ADAMTSL3: variants seen among roughly 807,000 people sequenced by gnomAD.
ADAMTSL3 encodes ADAMTS-like protein 3.
In ADAMTSL3, 128 loss-of-function variants were observed where a neutral mutation model predicts 201.7. The observed-to-expected ratio is 0.63, with a 90% CI of 0.55 to 0.73. The LOEUF is 0.73. Among genes scored for constraint, ADAMTSL3 ranks in the 30% least tolerant of loss-of-function variants. The pLI is 0.00. For missense variants in ADAMTSL3, 1,990 were observed against 2,119.6 expected (o/e 0.94, Z 1.20); for synonymous variants, 738 against 748.4 (o/e 0.99, Z 0.23).
At chr15:83,984,245 A>G (rs1484472173) in intron 21 of ADAMTSL3, among the ~76,000 whole-genome samples, 1 of 152,230 alleles carries the variant, frequency 6.6e-6, no homozygotes, top group Non-Finnish European at 1.5e-5. Context: ...AAGAGACACA[A>G]ATAACACAGC....
chr15:83,887,216 G>A (rs1480413897), intron 10 of ADAMTSL3, among the ~76,000 whole-genome samples: 1 of 152,100 alleles, frequency 6.6e-6, no homozygotes, highest in Non-Finnish European at 1.5e-5. Flanking sequence ...CAGTGTCTTT[G>A]GATAGCAGCT....
At chr15:83,757,155 C>G (rs939851191) in intron 3 of ADAMTSL3, among the ~76,000 whole-genome samples, 18 of 152,198 alleles carry the variant, frequency 1.2e-4, no homozygotes, top group Non-Finnish European at 2.4e-4. Flanking sequence ...AGGCAGTGCC[C>G]CAGTGGTGAC....
At chr15:83,968,546 GC>G (rs1474897631) in intron 19 of ADAMTSL3, among the ~76,000 whole-genome samples, 1 of 152,236 alleles carries the variant, frequency 6.6e-6, no homozygotes, top group South Asian at 2.1e-4. Flanking sequence ...AAATAGGAAT[GC>G]TTTTACACTG....
At chr15:83,790,004 C>T (rs1347335561) in intron 4 of ADAMTSL3, among the ~76,000 whole-genome samples, 2 of 151,886 alleles carry the variant, frequency 1.3e-5, no homozygotes, top group African/African-American at 4.8e-5. Context: ...TTACCTTTTT[C>T]TGGGGCTGAG....
Position 83,885,108 on chromosome 15 carries a change from A to T in ADAMTSL3, c.968A>T (p.Tyr323Phe). Residue 323 changes from tyrosine to phenylalanine, a missense_variant, in exon 10 of 30, where the codon TAC becomes TTC. By Grantham distance (22) the Tyr-to-Phe change is conservative. Coordinates refer to ENST00000286744, the MANE Select transcript of ADAMTSL3 (RefSeq NM_207517.3). Reference sequence around the variant, plus strand: ...ACAGTTCTCTTTGTCCAGACCAGGTACACTGCAGCCAAAGACAGCGTGGTT... The same window carrying T: ...ACAGTTCTCTTTGTCCAGACCAGGTTCACTGCAGCCAAAGACAGCGTGGTT... ...LMADFIFKTRYTAAKDSVVQF... is the reference protein window; with the variant it reads ...LMADFIFKTRFTAAKDSVVQF... The T allele has an allele frequency of 1.2e-6, 2 of 1,613,206 alleles. No individual in the cohort carries two copies. Among genetic ancestry groups the T allele is most frequent in the Non-Finnish European group, 1.7e-6 (2 of 1,179,208 alleles).
At chr15:83,772,919 G>A (rs546364953) in intron 3 of ADAMTSL3, among the ~76,000 whole-genome samples, 84 of 152,138 alleles carry the variant, frequency 5.5e-4, no homozygotes, top group African/African-American at 2.0e-3. Flanking sequence ...CAGGGTCCCT[G>A]CTATGTAAGT....
At chr15:83,809,943 C>T (rs1476399076) in intron 5 of ADAMTSL3, among the ~76,000 whole-genome samples, 2 of 152,060 alleles carry the variant, frequency 1.3e-5, no homozygotes, top group African/African-American at 4.8e-5. Flanking sequence ...CAAGTTTTTT[C>T]TTGGTGGGTA....
chr15:83,666,223 T>A (rs1265109765), intron 2 of ADAMTSL3, among the ~76,000 whole-genome samples: 8 of 152,202 alleles, frequency 5.3e-5, no homozygotes, highest in Non-Finnish European at 1.0e-4. Flanking sequence ...TTTCCTATAA[T>A]GATATTAAAT....
At chr15:83,915,767 G>A (rs1025517875) in intron 16 of ADAMTSL3, among the ~76,000 whole-genome samples, 5 of 152,130 alleles carry the variant, frequency 3.3e-5, no homozygotes, top group African/African-American at 7.2e-5. Flanking sequence ...CTGTGACTGC[G>A]ATCTTTCACT....
At chr15:83,879,874 T>C (rs1205108699) in intron 9 of ADAMTSL3, among the ~76,000 whole-genome samples, 2 of 152,210 alleles carry the variant, frequency 1.3e-5, no homozygotes, top group Non-Finnish European at 2.9e-5. Flanking sequence ...TTGGTAAGTA[T>C]GTTCACATTT....
intron 26 of ADAMTSL3, among the ~76,000 whole-genome samples, chr15:84,024,641 A>G (rs1043593802): frequency 5.9e-5 from 9 of 152,304 alleles, no homozygotes; most frequent in African/African-American, 1.9e-4. Flanking sequence ...AAAGCACTCA[A>G]TATCTCAAAG....
chr15:84,010,157 T>G (rs991719517), intron 23 of ADAMTSL3, among the ~76,000 whole-genome samples: 5 of 152,260 alleles, frequency 3.3e-5, no homozygotes, highest in African/African-American at 1.2e-4. Flanking sequence ...CACTTTAATT[T>G]ATAAATGTCG....
intron 9 of ADAMTSL3, among the ~76,000 whole-genome samples, chr15:83,873,023 G>C (rs1056641749): frequency 6.9e-6 from 1 of 145,698 alleles, no homozygotes. Context: ...GGAAGAATGT[G>C]GCTGGGCGTG....
intron 5 of ADAMTSL3, among the ~76,000 whole-genome samples, chr15:83,812,101 A>G (rs530507826): frequency 1.3e-5 from 2 of 152,234 alleles, no homozygotes; most frequent in African/African-American, 2.4e-5. Context: ...TGTAACCACA[A>G]TGAACTTGGA....
chr15:83,905,163 G>A (rs746564261), intron 15 of ADAMTSL3, among the ~76,000 whole-genome samples: 6 of 152,224 alleles, frequency 3.9e-5, no homozygotes, highest in Non-Finnish European at 7.3e-5. Flanking sequence ...AAGAGCTGCA[G>A]TTTCGTGTCA....
chr15:83,773,500 T>A (rs1284517684), intron 3 of ADAMTSL3, 23 bp from the exon 4 acceptor site: 1 of 1,606,166 alleles, frequency 6.2e-7, no homozygotes, highest in Non-Finnish European at 8.5e-7. Flanking sequence ...TTTTTTTTTG[T>A]TTGTTTGCTT....
intron 7 of ADAMTSL3, among the ~76,000 whole-genome samples, chr15:83,845,964 G>C (rs928590543): frequency 4.6e-5 from 7 of 152,198 alleles, no homozygotes; most frequent in African/African-American, 1.7e-4. Context: ...CACCCAGTAT[G>C]TTTCCAGTAA....
Position 83,704,488 on chromosome 15 carries a change from A to G in ADAMTSL3, c.169A>G (p.Thr57Ala). The G allele has an allele frequency of 6.2e-7, 1 of 1,614,140 alleles. No individual in the cohort carries two copies. The highest frequency in any genetic ancestry group is 8.5e-7 in the Non-Finnish European group (1 of 1,180,000). Residue 57 changes from threonine (T) to alanine (A), a missense_variant, in exon 3 of 30, where the codon ACT becomes GCT. By Grantham distance (58) the Thr-to-Ala change is moderately conservative. Transcript: ENST00000286744. ...LEDTTGEQFL[T>A]YRYDDQTSRN... ...AGACACAACAGGGGAGCAGTTCCTCACTTATCGCTATGATGACCAGGTAAG... is the reference window on the plus strand; with the variant it reads ...AGACACAACAGGGGAGCAGTTCCTCGCTTATCGCTATGATGACCAGGTAAG...
At chr15:83,945,534 G>A (rs28694702) in intron 19 of ADAMTSL3, among the ~76,000 whole-genome samples, 54,250 of 151,986 alleles carry the variant, frequency 0.36, 10,671 homozygotes, top group African/African-American at 0.5. Flanking sequence ...AGAGAGGTGG[G>A]TAGCCTGGGT....
Sources: allele counts gnomAD v4.1 joint callset (sites outside exome capture counted in the v4.1 genomes callset), GRCh38; gene constraint gnomAD v4.1.1; transcripts MANE v1.5; gene names NCBI Gene and HGNC (gene_info 2026-07-23, HGNC 2026-07-21).